GPLD1: variants seen among roughly 807,000 people sequenced by gnomAD.
The protein encoded by GPLD1 is phosphatidylinositol-glycan-specific phospholipase D.
A neutral mutation model predicts 112.6 loss-of-function variants in GPLD1; 84 were observed. The observed-to-expected ratio is 0.75, with a 90% CI of 0.63 to 0.89. The LOEUF is 0.89. Among genes scored for constraint, GPLD1 ranks in the 40% least tolerant of loss-of-function variants. GPLD1 has a pLI of 0.00. For missense variants in GPLD1, 1,044 were observed against 1,051.5 expected, an observed-to-expected ratio of 0.99 and a Z score of 0.10; for synonymous variants, 386 against 403.8, an observed-to-expected ratio of 0.96 and a Z score of 0.53.
intron 2 of GPLD1, among the ~76,000 whole-genome samples, chr6:24,482,409 T>G (rs1031130739): frequency 2.0e-5 from 3 of 151,966 alleles, no homozygotes; most frequent in African/African-American, 7.3e-5. Flanking sequence ...GCCTCCTGAG[T>G]AGCTGGGATT....
chr6:24,429,010 G>C lies in GPLD1; in HGVS notation c.*22C>G, dbSNP rs758896404. 2 of 1,528,628 alleles carry C rather than the reference G, an allele frequency of 1.3e-6. No individual in the cohort carries two copies. The highest frequency in any genetic ancestry group is 1.7e-5 in the Admixed American group (1 of 59,242). The allele number at this position is 1,528,628 out of a possible 1,614,324, so 94.7% of individuals were successfully genotyped here. On this transcript the variant is annotated 3_prime_UTR_variant, in exon 25 of 25. Transcript: ENST00000230036. Reference sequence around the variant, plus strand: ...ATTCAGCATGAGAGAGGTGGGCAGAGTGGGGAAATGCAGTGAAATCTTCAA... The same window carrying C: ...ATTCAGCATGAGAGAGGTGGGCAGACTGGGGAAATGCAGTGAAATCTTCAA...
rs779106586 is a variant in GPLD1 at position 24,426,722 on chromosome 6, C to T, written c.*2310G>A. On this transcript the variant is annotated 3_prime_UTR_variant, in exon 25 of 25. Coordinates refer to ENST00000230036, the MANE Select transcript of GPLD1 (RefSeq NM_001503.4). Reference sequence around the variant, plus strand: ...ATGTCAGAGTGCTCTAACTGCTCAACTCATAAGTGAATACAACTAAGTAAT... The same window carrying T: ...ATGTCAGAGTGCTCTAACTGCTCAATTCATAAGTGAATACAACTAAGTAAT... Among the ~76,000 whole-genome samples the T allele has an allele frequency of 8.0e-4, 121 of 152,128 alleles. 3 individuals carry two copies. Among genetic ancestry groups the T allele is most frequent in the Non-Finnish European group, 4.0e-4 (27 of 68,032 alleles).
chr6:24,474,145 AAAC>A (rs138112722), intron 5 of GPLD1, among the ~76,000 whole-genome samples: 11,782 of 146,352 alleles, frequency 0.081, 1,318 homozygotes, highest in African/African-American at 0.25. Context: ...ACAAACAAAA[AAAC>A]AACAACAAAA....
At chr6:24,489,113 C>T (rs1764479504) in intron 1 of GPLD1, among the ~76,000 whole-genome samples, 1 of 152,216 alleles carries the variant, frequency 6.6e-6, no homozygotes, top group Non-Finnish European at 1.5e-5. Flanking sequence ...GTTCTGCTGC[C>T]ACGTTGCAAC....
intron 1 of GPLD1, among the ~76,000 whole-genome samples, chr6:24,488,912 T>C (rs1764472905): frequency 6.6e-6 from 1 of 152,096 alleles, no homozygotes; most frequent in Non-Finnish European, 1.5e-5. Flanking sequence ...ATAACTAAAC[T>C]CCCTTACTTT....
chr6:24,451,853 G>A (rs574188325), intron 14 of GPLD1, among the ~76,000 whole-genome samples: 1 of 152,320 alleles, frequency 6.6e-6, no homozygotes, highest in South Asian at 2.1e-4. Context: ...ACACGCTAGG[G>A]CAGGGTGGGA....
At chr6:24,430,509 C>T (rs897611133) in intron 24 of GPLD1, among the ~76,000 whole-genome samples, 5 of 152,234 alleles carry the variant, frequency 3.3e-5, no homozygotes, top group African/African-American at 1.2e-4. Flanking sequence ...ACACTGCTCA[C>T]TATACACTAA....
intron 14 of GPLD1, 73 bp downstream of exon 14, chr6:24,453,942 C>T (rs766757646): frequency 2.5e-5 from 23 of 926,802 alleles, no homozygotes; most frequent in Admixed American, 4.4e-5. Flanking sequence ...AGTTACTCAT[C>T]CTGGAGAATC....
chr6:24,476,163 T>C lies in GPLD1; in HGVS notation c.330+18A>G. 1 of 1,336,000 alleles carries C rather than the reference T, an allele frequency of 7.5e-7. No individual in the cohort carries two copies. The highest frequency in any genetic ancestry group is 1.1e-6 in the Non-Finnish European group (1 of 946,946). The allele number at this position is 1,336,000 out of a possible 1,614,324, so 82.8% of individuals were successfully genotyped here. Reference sequence around the variant, plus strand: ...GGTTTGGTGCTAAATATTTTAAGGATTGGAGGACCACGCCTACCTTCTCCC... The same window carrying C: ...GGTTTGGTGCTAAATATTTTAAGGACTGGAGGACCACGCCTACCTTCTCCC... On this transcript the variant is annotated intron_variant, in intron 4 of 24. Coordinates refer to ENST00000230036, the MANE Select transcript of GPLD1 (RefSeq NM_001503.4).
chr6:24,445,964 G>C, intron 18 of GPLD1, 133 bp from the exon 19 acceptor site: 1 of 658,970 alleles, frequency 1.5e-6, no homozygotes. Context: ...GCGACCCCAG[G>C]CCTGGAAGTG....
chr6:24,488,165 T>C (rs900328271), intron 1 of GPLD1, among the ~76,000 whole-genome samples: 1 of 152,066 alleles, frequency 6.6e-6, no homozygotes, highest in Non-Finnish European at 1.5e-5. Context: ...CCCAGCACTT[T>C]GGGAGGCCGA....
chr6:24,483,812 T>C (rs1053995287), intron 2 of GPLD1, among the ~76,000 whole-genome samples: 4 of 151,262 alleles, frequency 2.6e-5, no homozygotes, highest in Non-Finnish European at 5.9e-5. Flanking sequence ...GGTGTGATCT[T>C]GGCTCACTGC....
chr6:24,437,248 G>T lies in GPLD1; in HGVS notation c.2062C>A (p.Gln688Lys), dbSNP rs1454594491. 3 of 1,614,092 alleles carry T rather than the reference G, an allele frequency of 1.9e-6. No individual in the cohort carries two copies. In the East Asian group the frequency reaches 6.7e-5, roughly 36 times the overall value. Residue 688 changes from glutamine (Q) to lysine (K), a missense_variant, in exon 21 of 25, where the codon CAA becomes AAA. Transcript: ENST00000230036. Reference sequence around the variant, plus strand: ...GCGTACATGCGAGTGGCTCCGCCTTGGTGTAGGGTCACGGTCAGGAATGCC... The same window carrying T: ...GCGTACATGCGAGTGGCTCCGCCTTTGTGTAGGGTCACGGTCAGGAATGCC... ...KVAFLTVTLH[Q>K]GGATRMYALT...
intron 24 of GPLD1, among the ~76,000 whole-genome samples, chr6:24,432,833 G>T (rs975660633): frequency 3.3e-5 from 5 of 152,182 alleles, no homozygotes; most frequent in Non-Finnish European, 5.9e-5. Flanking sequence ...TTCCACTACA[G>T]CTGTGTGGGC....
chr6:24,487,742 TG>T, intron 1 of GPLD1, among the ~76,000 whole-genome samples: 1 of 152,252 alleles, frequency 6.6e-6, no homozygotes, highest in Non-Finnish European at 1.5e-5. Context: ...ACTGGATGGC[TG>T]GAACTAGAAC....
intron 13 of GPLD1, among the ~76,000 whole-genome samples, chr6:24,455,716 A>G (rs1478155621): frequency 6.6e-6 from 1 of 152,238 alleles, no homozygotes; most frequent in Non-Finnish European, 1.5e-5. Context: ...ATTACAAAAG[A>G]AATCTGTAAG....
chr6:24,479,752 C>T (rs545006123), intron 3 of GPLD1, 129 bp downstream of exon 3: 81 of 548,994 alleles, frequency 1.5e-4, no homozygotes, highest in African/African-American at 1.3e-3. Context: ...TTGTTCTCAA[C>T]AATAATGGAA....
intron 14 of GPLD1, among the ~76,000 whole-genome samples, chr6:24,452,915 GCACTTGA>G (rs1165018259): frequency 6.6e-6 from 1 of 152,014 alleles, no homozygotes; most frequent in South Asian, 2.1e-4. Flanking sequence ...TCTCCCCCTA[GCACTTGA>G]CACTCAGAGA....
At chr6:24,475,833 G>C (rs1021981262) in intron 4 of GPLD1, among the ~76,000 whole-genome samples, 5 of 151,818 alleles carry the variant, frequency 3.3e-5, no homozygotes, top group Non-Finnish European at 5.9e-5. Flanking sequence ...ACTCCAGCCT[G>C]GGTGACAGAG....
Sources: allele counts gnomAD v4.1 joint callset (sites outside exome capture counted in the v4.1 genomes callset), GRCh38; gene constraint gnomAD v4.1.1; transcripts MANE v1.5; gene names NCBI Gene and HGNC (gene_info 2026-07-23, HGNC 2026-07-21).